Variants in COBL observed in about 807,000 individuals in gnomAD.
The protein encoded by COBL is protein cordon-bleu.
In COBL, 51 loss-of-function variants were observed where a neutral mutation model predicts 98.8. The observed-to-expected ratio is 0.52, with a 90% CI of 0.41 to 0.65. The LOEUF (loss-of-function observed/expected upper bound fraction) is 0.65, where lower values mean the gene tolerates loss of function less well. Ranked by LOEUF, COBL falls within the 30% of genes least tolerant of loss-of-function variation. The pLI is 0.00. For synonymous variants in COBL, 634 were observed against 651.7 expected (o/e 0.97, Z 0.41); for missense variants, 1,617 against 1,617.5 (o/e 1.00, Z 0.01).
At chr7:51,134,935 T>C (rs918695724) in intron 6 of COBL, among the ~76,000 whole-genome samples, 3 of 152,222 alleles carry the variant, frequency 2.0e-5, no homozygotes, top group African/African-American at 7.2e-5. Flanking sequence ...GTCAGTTACA[T>C]TAGGATATAT....
At chr7:51,161,663 T>C (rs1234367613) in intron 5 of COBL, among the ~76,000 whole-genome samples, 1 of 152,228 alleles carries the variant, frequency 6.6e-6, no homozygotes. Flanking sequence ...TTAACTCTTT[T>C]ACCAGAAGAA....
rs537034871 is a variant in COBL at position 51,126,719 on chromosome 7, A to C, written c.957+9439T>G. The stretch of plus-strand genomic sequence containing the variant: ...AGAGTCTGAGTCACTCACCCCTCCC[A>C]AATGTCATCTCCCAGAGGATCTGCC... On this transcript the variant is annotated intron_variant, in intron 6 of 12. Transcript: ENST00000265136. 2.3e-4 allele frequency among the ~76,000 whole-genome samples: 35 copies of C among 152,160 alleles called. 1 individual carries two copies. The South Asian group carries it at 6.6e-3, about 29-fold the overall frequency.
At chr7:51,267,252 G>C (rs1163907862) in intron 1 of COBL, among the ~76,000 whole-genome samples, 1 of 152,068 alleles carries the variant, frequency 6.6e-6, no homozygotes, top group Non-Finnish European at 1.5e-5. Context: ...AACCCCTGCT[G>C]TAAAAAACTT....
intron 6 of COBL, among the ~76,000 whole-genome samples, chr7:51,131,631 T>C (rs1798746523): frequency 6.6e-6 from 1 of 151,968 alleles, no homozygotes; most frequent in South Asian, 2.1e-4. Flanking sequence ...TTTCACTCTT[T>C]CGCCCAGGCT....
chr7:51,230,081 G>A (rs11770658), intron 1 of COBL, among the ~76,000 whole-genome samples: 1 of 151,920 alleles, frequency 6.6e-6, no homozygotes, highest in African/African-American at 2.4e-5. Flanking sequence ...CGCTCCCCCA[G>A]CAGGGAAGAG....
chr7:51,267,981 C>A (rs1038208348), intron 1 of COBL, among the ~76,000 whole-genome samples: 1 of 152,194 alleles, frequency 6.6e-6, no homozygotes, highest in Admixed American at 6.5e-5. Flanking sequence ...TGTACCTCCA[C>A]TTTTGAGACC....
At chr7:51,242,894 C>T (rs757647215) in intron 1 of COBL, among the ~76,000 whole-genome samples, 2 of 152,104 alleles carry the variant, frequency 1.3e-5, no homozygotes, top group South Asian at 2.1e-4. Context: ...TACCTGACAC[C>T]GAGGAAAGCC....
intron 1 of COBL, among the ~76,000 whole-genome samples, chr7:51,228,669 T>A (rs1365702109): frequency 6.6e-6 from 1 of 152,128 alleles, no homozygotes; most frequent in East Asian, 1.9e-4. Flanking sequence ...CCAGGGCCTG[T>A]AGATATGGGA....
chr7:51,268,799 A>G (rs1249667041), intron 1 of COBL, among the ~76,000 whole-genome samples: 1 of 152,010 alleles, frequency 6.6e-6, no homozygotes, highest in East Asian at 1.9e-4. Flanking sequence ...GCATGGTGGC[A>G]GGTTCCTGTA....
At chr7:51,097,814 C>T (rs975244097) in intron 6 of COBL, among the ~76,000 whole-genome samples, 1 of 151,910 alleles carries the variant, frequency 6.6e-6, no homozygotes, top group Non-Finnish European at 1.5e-5. Flanking sequence ...ACAAGGTCAG[C>T]AGATCGAGAC....
chr7:51,239,035 G>A (rs1795530479), intron 1 of COBL, among the ~76,000 whole-genome samples: 1 of 152,180 alleles, frequency 6.6e-6, no homozygotes, highest in East Asian at 1.9e-4. Flanking sequence ...TTAAAAATAA[G>A]GGTAATAAAT....
At chr7:51,082,457 CAAAGAG>C (rs961488101) in intron 7 of COBL, among the ~76,000 whole-genome samples, 3 of 152,174 alleles carry the variant, frequency 2.0e-5, no homozygotes, top group Non-Finnish European at 2.9e-5. Flanking sequence ...CCCCAGGAAA[CAAAGAG>C]AGCCCCATCT....
chr7:51,055,705 T>G (rs1402239165), intron 7 of COBL, among the ~76,000 whole-genome samples: 2 of 152,196 alleles, frequency 1.3e-5, no homozygotes, highest in Non-Finnish European at 2.9e-5. Flanking sequence ...ATGGGAGGGC[T>G]TCCTTCGTAC....
chr7:51,244,560 C>T (rs1458129971), intron 1 of COBL, among the ~76,000 whole-genome samples: 1 of 152,106 alleles, frequency 6.6e-6, no homozygotes, highest in Non-Finnish European at 1.5e-5. Context: ...CACACCAAAC[C>T]GATAGGGTCT....
chr7:51,043,559 C>T lies in COBL; in HGVS notation c.1230G>A (p.Met410Ile), dbSNP rs761742208. Residue 410 changes from methionine to isoleucine, a missense_variant, in exon 8 of 13, where the codon ATG (methionine) becomes ATA (isoleucine). Physicochemically the swap from Met to Ile is conservative, Grantham distance 10 (BLOSUM62 1). This residue lies in a region of COBL where 1,304 missense variants were observed against 1,282.0 expected (regional missense o/e 1.02). Coordinates refer to ENST00000265136, the MANE Select transcript of COBL (RefSeq NM_015198.5). ...GAGAGACGATGTCTGAGGGGGAACT[C>T]ATCACTCCTGAGTCCTCGGTCGTGT... is the stretch of plus-strand genomic sequence containing the variant. The part of the protein sequence containing the change: ...SEDTTEDSGV[M>I]SSPSDIVSLD... 9.3e-6 allele frequency: 15 copies of T among 1,614,200 alleles called. No homozygotes were observed. Among genetic ancestry groups the T allele is most frequent in the Non-Finnish European group, 1.3e-5 (15 of 1,180,032 alleles).
At chr7:51,259,867 T>C (rs1219336342) in intron 1 of COBL, 67 of 756,492 alleles carry the variant, frequency 8.9e-5, no homozygotes, top group African/African-American at 8.3e-4. Context: ...TCTGCACCAG[T>C]AAACTCATGT....
chr7:51,254,672 G>A (rs531803164), intron 1 of COBL, among the ~76,000 whole-genome samples: 3 of 152,222 alleles, frequency 2.0e-5, no homozygotes, highest in African/African-American at 7.2e-5. Flanking sequence ...GAATTCTCTA[G>A]AAAGTGGCCT....
chr7:51,152,932 T>C, intron 5 of COBL, among the ~76,000 whole-genome samples: 1 of 152,218 alleles, frequency 6.6e-6, no homozygotes, highest in African/African-American at 2.4e-5. Context: ...AGATCAAGAA[T>C]CCTCTGAAAG....
At chr7:51,314,185 G>C (rs1398685477) in intron 1 of COBL, among the ~76,000 whole-genome samples, 3 of 152,210 alleles carry the variant, frequency 2.0e-5, no homozygotes, top group Non-Finnish European at 2.9e-5. Flanking sequence ...GTAGGCCACA[G>C]GGTGAAATCT....
Sources: allele counts gnomAD v4.1 joint callset (sites outside exome capture counted in the v4.1 genomes callset), GRCh38; gene constraint gnomAD v4.1.1; regional missense constraint gnomAD v4.1.1; transcripts MANE v1.5; gene names NCBI Gene and HGNC (gene_info 2026-07-23, HGNC 2026-07-21).